Variants in HDAC9 observed in about 807,000 individuals in gnomAD.
HDAC9 encodes the protein histone deacetylase 9, also known as MEF-2 interacting transcription repressor (MITR) protein.
A neutral mutation model predicts 139.4 loss-of-function variants in HDAC9; 41 were observed. That is an observed-to-expected ratio of 0.29 (90% CI 0.23 to 0.38). The LOEUF (loss-of-function observed/expected upper bound fraction) is 0.38, where lower values mean the gene tolerates loss of function less well. Ranked by LOEUF, HDAC9 falls within the 10% of genes least tolerant of loss-of-function variation. The pLI is 1.00. For synonymous variants in HDAC9, 517 were observed against 476.2 expected (o/e 1.09, Z -1.12); for missense variants, 1,147 against 1,297.0 (o/e 0.88, Z 1.78).
chr7:18,701,417 A>C lies in HDAC9; in HGVS notation c.1732-26163A>C, dbSNP rs201179346. ...TGATTTAAAAAAAAACAAAACAAAC[A>C]AAAAAAAAAAACACAACTGTACTAT... On this transcript the variant is annotated intron_variant, in intron 12 of 25. Transcript: ENST00000686413. 3.2e-3 allele frequency among the ~76,000 whole-genome samples: 263 copies of C among 81,318 alleles called. 5 individuals are homozygous for C. The highest frequency in any genetic ancestry group is 0.02 in the East Asian group (52 of 2,664). 53.3% of individuals were successfully genotyped at this position (81,318 alleles called of 152,430 possible).
chr7:18,585,184 G>T lies in HDAC9; in HGVS notation c.23-97G>T, dbSNP rs554147297. ...CATTGGCATAAAATTTGTTGTACAG[G>T]GTCTTATACTTTTTATTTGTTTCCA... On this transcript the variant is annotated intron_variant, in intron 2 of 25. Transcript: ENST00000686413. The T allele has an allele frequency of 2.6e-5, 35 of 1,347,516 alleles. No homozygotes were observed. The Admixed American group carries it at 5.4e-4, about 21-fold the overall frequency. The allele number at this position is 1,347,516 out of a possible 1,614,324, so 83.5% of individuals were successfully genotyped here. A position where few individuals can be genotyped will look rare whatever the true frequency, so the allele number is the denominator to read the frequency against.
intron 16 of HDAC9, among the ~76,000 whole-genome samples, chr7:18,791,098 G>T (rs896509720): frequency 2.0e-5 from 3 of 152,104 alleles, no homozygotes; most frequent in Non-Finnish European, 4.4e-5. Context: ...CTTTAGTATG[G>T]TCAAAGATAC....
chr7:18,907,801 C>G (rs932291048), intron 22 of HDAC9, among the ~76,000 whole-genome samples: 2 of 152,166 alleles, frequency 1.3e-5, no homozygotes, highest in Admixed American at 6.5e-5. Flanking sequence ...GAGAGTAATT[C>G]TTAGAATGTC....
intron 1 of HDAC9, among the ~76,000 whole-genome samples, chr7:18,102,305 T>A (rs1782904653): frequency 6.6e-6 from 1 of 152,198 alleles, no homozygotes; most frequent in African/African-American, 2.4e-5. Flanking sequence ...ATTTTGCAAT[T>A]TGAGTTTTTA....
At chr7:18,293,917 GTGCTTGATTTAAA>G (rs1797979659) in intron 1 of HDAC9, among the ~76,000 whole-genome samples, 1 of 151,986 alleles carries the variant, frequency 6.6e-6, no homozygotes. Flanking sequence ...ATAAACATTA[GTGCTTGATTTAAA>G]TGCTTGATTT....
At chr7:18,573,758 A>G (rs1001101304) in intron 2 of HDAC9, among the ~76,000 whole-genome samples, 5 of 152,152 alleles carry the variant, frequency 3.3e-5, no homozygotes, top group Non-Finnish European at 5.9e-5. Context: ...GGCTTCTGCT[A>G]TGGGCATCCG....
intron 23 of HDAC9, among the ~76,000 whole-genome samples, chr7:18,940,727 G>T (rs1189849371): frequency 2.6e-5 from 4 of 152,098 alleles, no homozygotes; most frequent in Non-Finnish European, 5.9e-5. Flanking sequence ...TGTCACAGTT[G>T]CTTTAAGGCC....
intron 2 of HDAC9, among the ~76,000 whole-genome samples, chr7:18,266,653 T>C (rs1796021358): frequency 1.3e-5 from 2 of 152,198 alleles, no homozygotes; most frequent in South Asian, 4.1e-4. Flanking sequence ...TGTAGGTTTT[T>C]TCCTAAAGGT....
chr7:18,396,606 T>C (rs1415525945), intron 1 of HDAC9, among the ~76,000 whole-genome samples: 1 of 152,104 alleles, frequency 6.6e-6, no homozygotes, highest in Non-Finnish European at 1.5e-5. Context: ...GGGATAGAGG[T>C]CAAGGTGTTA....
chr7:18,795,561 G>T (rs188570559), intron 17 of HDAC9, among the ~76,000 whole-genome samples: 249 of 152,298 alleles, frequency 1.6e-3, no homozygotes, highest in African/African-American at 5.7e-3. Context: ...TCCAGATTGT[G>T]CAGCTGGGTT....
intron 12 of HDAC9, among the ~76,000 whole-genome samples, chr7:18,720,997 T>C (rs1785104638): frequency 6.6e-6 from 1 of 152,110 alleles, no homozygotes; most frequent in Non-Finnish European, 1.5e-5. Context: ...TTTTCTTTTT[T>C]CATTTATTTT....
chr7:18,490,981 T>C (rs914276805), upstream of HDAC9, among the ~76,000 whole-genome samples: 5 of 152,058 alleles, frequency 3.3e-5, no homozygotes, highest in Middle Eastern at 3.4e-3. Context: ...TCCAGAATCA[T>C]AGGGTTTGTT....
chr7:18,328,856 T>C (rs1800677457), intron 1 of HDAC9, among the ~76,000 whole-genome samples: 2 of 151,928 alleles, frequency 1.3e-5, no homozygotes, highest in African/African-American at 2.4e-5. Flanking sequence ...CTCTTCAATT[T>C]TTTAATATAG....
In HDAC9 at chr7:18,762,141, T is replaced by C; in HGVS notation, c.2044-16T>C. The C allele has an allele frequency of 6.2e-7, 1 of 1,613,298 alleles. No homozygotes were observed. Among genetic ancestry groups the C allele is most frequent in the Non-Finnish European group, 8.5e-7 (1 of 1,179,452 alleles). ...TTGTCAGTGGTGTACTGTTGGCTTCTGCTATTTTCTTGCAGCGAATTCAAG... is the reference window on the plus strand; with the variant it reads ...TTGTCAGTGGTGTACTGTTGGCTTCCGCTATTTTCTTGCAGCGAATTCAAG... On this transcript the variant is annotated splice_polypyrimidine_tract_variant and intron_variant, in intron 14 of 25. Coordinates refer to ENST00000686413, the MANE Select transcript of HDAC9 (RefSeq NM_178425.4).
chr7:18,860,231 A>G (rs1298828902), intron 21 of HDAC9, among the ~76,000 whole-genome samples: 1 of 152,032 alleles, frequency 6.6e-6, no homozygotes, highest in Non-Finnish European at 1.5e-5. Context: ...CTGGAGGGGA[A>G]ATTTACTAAT....
At chr7:18,417,069 C>T (rs1016682485) in intron 1 of HDAC9, among the ~76,000 whole-genome samples, 8 of 152,058 alleles carry the variant, frequency 5.3e-5, no homozygotes, top group African/African-American at 1.2e-4. Flanking sequence ...ACTCCAGTTA[C>T]GAATATATTA....
upstream of HDAC9, among the ~76,000 whole-genome samples, chr7:18,491,878 T>C (rs1586264980): frequency 6.6e-6 from 1 of 152,014 alleles, no homozygotes; most frequent in East Asian, 2.0e-4. Flanking sequence ...AAACTCACAC[T>C]AATGTCATCT....
At chr7:18,451,531 T>A (rs1441954967) in intron 1 of HDAC9, among the ~76,000 whole-genome samples, 1 of 151,742 alleles carries the variant, frequency 6.6e-6, no homozygotes, top group East Asian at 1.9e-4. Context: ...AGAATCTCGA[T>A]TGGCCAGGAG....
At chr7:18,122,522 AT>A (rs535372057) in intron 1 of HDAC9, among the ~76,000 whole-genome samples, 2 of 151,958 alleles carry the variant, frequency 1.3e-5, no homozygotes, top group East Asian at 1.9e-4. Context: ...AGAAATGGAT[AT>A]TTTTTTTGAT....
Sources: gnomAD v4.1 joint callset for allele counts (sites outside exome capture counted in the v4.1 genomes callset) on GRCh38, gnomAD v4.1.1 for gene constraint, MANE v1.5 for transcripts, NCBI Gene and HGNC (gene_info 2026-07-23, HGNC 2026-07-21) for gene names.